ALK: variants seen among roughly 807,000 people sequenced by gnomAD.
ALK encodes ALK tyrosine kinase receptor.
ALK carries 74 observed loss-of-function variants against 163.1 expected under a neutral mutation model. The observed-to-expected ratio is 0.45, with a 90% CI of 0.38 to 0.55. The LOEUF (loss-of-function observed/expected upper bound fraction) is 0.55. Among genes scored for constraint, ALK ranks in the 20% least tolerant of loss-of-function variants. The pLI is 0.00. For missense variants in ALK, 2,063 were observed against 2,105.3 expected (o/e 0.98, Z 0.39); for synonymous variants, 960 against 843.2 (o/e 1.14, Z -2.40).
intron 1 of ALK, among the ~76,000 whole-genome samples, chr2:29,789,936 T>C (rs1169542857): frequency 1.3e-5 from 2 of 152,152 alleles, no homozygotes; most frequent in Non-Finnish European, 2.9e-5. Context: ...GACCAGGTAA[T>C]ATCCAGGGCC....
In ALK at chr2:29,843,119, CT is replaced by C. The variant is rs1307315484; in HGVS notation, c.667+76873del. ...GTAAGAAAAATATTGGGGCTTGAGA[CT>C]TCAGTAATACCAATATTAGGTTGTG... On this transcript the variant is annotated intron_variant, in intron 1 of 28. Transcript: ENST00000389048. Among the ~76,000 whole-genome samples the C allele has an allele frequency of 5.9e-5, 9 of 151,840 alleles. No homozygotes were observed. The East Asian group carries it at 1.5e-3, about 26-fold the overall frequency.
intron 1 of ALK, among the ~76,000 whole-genome samples, chr2:29,772,424 T>C (rs1180372416): frequency 6.6e-6 from 1 of 152,234 alleles, no homozygotes; most frequent in African/African-American, 2.4e-5. Context: ...GAAATTAAAA[T>C]TTAGCTCTAT....
chr2:29,469,967 A>C (rs1029330345), intron 4 of ALK, among the ~76,000 whole-genome samples: 1 of 152,254 alleles, frequency 6.6e-6, no homozygotes, highest in African/African-American at 2.4e-5. Flanking sequence ...GGAGTTATCA[A>C]ATATAGACTT....
intron 1 of ALK, among the ~76,000 whole-genome samples, chr2:29,905,612 G>GAGGA (rs962404960): frequency 2.0e-5 from 3 of 150,750 alleles, no homozygotes; most frequent in Non-Finnish European, 4.4e-5. Context: ...AGAAGGAAGG[G>GAGGA]AGGAAGGAAG....
chr2:29,920,011 A>C lies in ALK; in HGVS notation c.649T>G (p.Phe217Val), dbSNP rs1482864809. The C allele has an allele frequency of 6.2e-7, 1 of 1,613,990 alleles. No individual in the cohort carries two copies. Among genetic ancestry groups the C allele is most frequent in the East Asian group, 2.2e-5 (1 of 44,870 alleles). Residue 217 changes from phenylalanine (F) to valine (V), a missense_variant, in exon 1 of 29, where the codon TTC becomes GTC. Around this residue, in one of 5 missense-constraint regions of ALK, gnomAD observed 987 missense variants for 939.5 expected, o/e 1.05. Transcript: ENST00000389048. ...TGCTCACCAGTCCCGAAGATCTGGA[A>C]GAGAAGGCGGGGCTGGGAGGCGCGA... ...AIRASQPRLL[F>V]QIFGTGHSSL... is the part of the protein sequence containing the mutation.
At chr2:29,229,370 G>A (rs1051001971) in intron 15 of ALK, among the ~76,000 whole-genome samples, 2 of 152,190 alleles carry the variant, frequency 1.3e-5, no homozygotes, top group African/African-American at 4.8e-5. Context: ...AGGATGGGGG[G>A]ACGTGGGCAG....
At chr2:29,607,147 T>G (rs1675562739) in intron 3 of ALK, among the ~76,000 whole-genome samples, 1 of 152,226 alleles carries the variant, frequency 6.6e-6, no homozygotes, top group Non-Finnish European at 1.5e-5. Flanking sequence ...TACTTAGATT[T>G]TCAAGTTTAG....
rs117914286 is a variant in ALK at position 29,712,566 on chromosome 2, A to G, written c.787+5012T>C. On this transcript the variant is annotated intron_variant, in intron 2 of 28. Transcript: ENST00000389048. Reference sequence around the variant, plus strand: ...GCCAGAGCTATGAAGCAAATCCTATACAGAGCCAGAGGTCCTTTGTGTTTT... The same window carrying G: ...GCCAGAGCTATGAAGCAAATCCTATGCAGAGCCAGAGGTCCTTTGTGTTTT... Among the ~76,000 whole-genome samples the G allele has an allele frequency of 4.4e-4, 67 of 152,250 alleles. No individual in the cohort carries two copies. In the East Asian group the frequency reaches 0.011, roughly 25 times the overall value.
chr2:29,528,768 T>C (rs11693420), intron 4 of ALK, among the ~76,000 whole-genome samples: 17,516 of 152,226 alleles, frequency 0.12, 1,357 homozygotes, highest in Non-Finnish European at 0.18. Flanking sequence ...TATTATCCTA[T>C]TCATTCAGTT....
intron 1 of ALK, among the ~76,000 whole-genome samples, chr2:29,770,359 A>C (rs1330153142): frequency 6.6e-6 from 1 of 152,222 alleles, no homozygotes; most frequent in Non-Finnish European, 1.5e-5. Context: ...ATTCTCTAAC[A>C]AAGTCGTCCA....
chr2:29,696,530 T>TAAAAA (rs60320646), intron 2 of ALK, among the ~76,000 whole-genome samples: 1 of 103,846 alleles, frequency 9.6e-6, no homozygotes, highest in African/African-American at 3.6e-5. Context: ...CTTAAAGGAT[T>TAAAAA]AAAAAAAAAA....
chr2:29,285,569 C>CT (rs35035855), intron 9 of ALK, among the ~76,000 whole-genome samples: 83,457 of 142,050 alleles, frequency 0.59, 26,420 homozygotes, highest in East Asian at 0.84. Flanking sequence ...CTCAGTGGCT[C>CT]TTTTTTTTTT....
chr2:29,457,521 T>G (rs1455232969), intron 4 of ALK, among the ~76,000 whole-genome samples: 1 of 152,134 alleles, frequency 6.6e-6, no homozygotes, highest in Non-Finnish European at 1.5e-5. Flanking sequence ...GAACTCTTCC[T>G]GCAGGAGCCC....
intron 3 of ALK, among the ~76,000 whole-genome samples, chr2:29,554,326 C>A (rs1165572705): frequency 6.6e-6 from 1 of 152,056 alleles, no homozygotes. Context: ...GCTATTAGAG[C>A]TAGAGAGAGA....
chr2:29,494,378 A>C (rs1208563565), intron 4 of ALK, among the ~76,000 whole-genome samples: 1 of 152,154 alleles, frequency 6.6e-6, no homozygotes, highest in East Asian at 1.9e-4. Context: ...CTGGGATGAG[A>C]GGCAGATGCT....
intron 1 of ALK, among the ~76,000 whole-genome samples, chr2:29,891,972 C>T (rs1572475407): frequency 6.6e-6 from 1 of 152,334 alleles, no homozygotes; most frequent in East Asian, 1.9e-4. Context: ...CAACCAATCT[C>T]TCCCTAACCC....
In ALK at chr2:29,193,215, C is replaced by G. The variant is rs778914972; in HGVS notation, c.*9G>C. On this transcript the variant is annotated 3_prime_UTR_variant, in exon 29 of 29. Transcript: ENST00000389048. ...ATCCCAAGGAAGAGAAGTGAGTGTG[C>G]GACCGAGCTCAGGGCCCAGGCTGGT... 6.2e-7 allele frequency: 1 copy of G among 1,613,242 alleles called. No individual in the cohort carries two copies. Among genetic ancestry groups the G allele is most frequent in the Non-Finnish European group, 8.5e-7 (1 of 1,179,646 alleles).
chr2:29,455,279 T>G (rs762826160), intron 4 of ALK, among the ~76,000 whole-genome samples: 6 of 152,148 alleles, frequency 3.9e-5, no homozygotes, highest in Non-Finnish European at 8.8e-5. Flanking sequence ...TCATATTATT[T>G]CAGTGGAATC....
intron 1 of ALK, among the ~76,000 whole-genome samples, chr2:29,754,557 G>A (rs1680460036): frequency 6.6e-6 from 1 of 152,114 alleles, no homozygotes; most frequent in Non-Finnish European, 1.5e-5. Context: ...AGATGTGGTG[G>A]TGCATGCCTG....
Sources: gnomAD v4.1 joint callset for allele counts (sites outside exome capture counted in the v4.1 genomes callset) on GRCh38, gnomAD v4.1.1 for gene constraint, gnomAD v4.1.1 regional missense constraint, MANE v1.5 for transcripts, NCBI Gene and HGNC (gene_info 2026-07-23, HGNC 2026-07-21) for gene names.